Variants in CFAP44 observed in about 807,000 individuals in gnomAD.
The protein encoded by CFAP44 is cilia- and flagella-associated protein 44.
Under a neutral mutation model 216.2 loss-of-function variants are expected in CFAP44, and 134 were observed. The ratio of observed to expected loss-of-function variants is 0.62; its 90% CI spans 0.54 to 0.72. The LOEUF (loss-of-function observed/expected upper bound fraction) is 0.72, where lower values mean the gene tolerates loss of function less well. Among genes scored for constraint, CFAP44 ranks in the 30% least tolerant of loss-of-function variants. The probability of loss-of-function intolerance (pLI) is 0.00; values close to 1 mark genes in which losing one functional copy is unlikely to be tolerated. For missense variants in CFAP44, 2,035 were observed against 2,182.1 expected (o/e 0.93, Z 1.34); for synonymous variants, 700 against 727.6 (o/e 0.96, Z 0.61).
intron 2 of CFAP44, among the ~76,000 whole-genome samples, chr3:113,431,767 T>C (rs937680018): frequency 6.6e-6 from 1 of 152,202 alleles, no homozygotes; most frequent in Non-Finnish European, 1.5e-5. Flanking sequence ...TGCATGTGTA[T>C]TGATTTTCCC....
intron 30 of CFAP44, among the ~76,000 whole-genome samples, chr3:113,305,982 A>G (rs1949981881): frequency 6.6e-6 from 1 of 152,186 alleles, no homozygotes; most frequent in African/African-American, 2.4e-5. Flanking sequence ...TACAGTCATC[A>G]GAAAAGTCTG....
chr3:113,384,131 T>G (rs1327072220), intron 15 of CFAP44, among the ~76,000 whole-genome samples: 1 of 151,912 alleles, frequency 6.6e-6, no homozygotes, highest in Non-Finnish European at 1.5e-5. Context: ...TGATCTCAGC[T>G]CACTGCAAGC....
intron 32 of CFAP44, among the ~76,000 whole-genome samples, chr3:113,303,159 T>C (rs1446099566): frequency 6.6e-6 from 1 of 152,100 alleles, no homozygotes; most frequent in Non-Finnish European, 1.5e-5. Flanking sequence ...TTCAACCACT[T>C]TGGGGGCAAC....
chr3:113,354,035 A>C (rs1950471351), intron 22 of CFAP44, among the ~76,000 whole-genome samples: 1 of 151,964 alleles, frequency 6.6e-6, no homozygotes, highest in Non-Finnish European at 1.5e-5. Flanking sequence ...AATTAGCCCT[A>C]GACTAAAGGC....
At position 113,344,574 on chromosome 3, in the gene CFAP44, G is replaced by T; in HGVS notation, c.3204C>A (p.Ser1068Arg). Residue 1068 changes from serine (S) to arginine (R), a missense_variant, in exon 23 of 35, where the codon AGC (serine) becomes AGA (arginine). This residue lies in a region of CFAP44 where 1,883 missense variants were observed against 2,023.7 expected (regional missense o/e 0.93). Transcript: ENST00000393845. Reference protein sequence around the residue: ...KRASQSERKPSKLDRFEKEGP... With the variant: ...KRASQSERKPRKLDRFEKEGP... ...CCTCTTTTTCAAACCTGTCCAATTTGCTTGGTTTTCTCTCTGATTGACTAG... is the reference window on the plus strand; with the variant it reads ...CCTCTTTTTCAAACCTGTCCAATTTTCTTGGTTTTCTCTCTGATTGACTAG... 6.5e-7 allele frequency: 1 copy of T among 1,537,064 alleles called. No homozygotes were observed. Among genetic ancestry groups the T allele is most frequent in the Non-Finnish European group, 8.7e-7 (1 of 1,146,842 alleles).
At chr3:113,401,318 C>T in intron 10 of CFAP44, 31 bp from the exon 11 acceptor site, 2 of 1,551,094 alleles carry the variant, frequency 1.3e-6, no homozygotes, top group Middle Eastern at 1.7e-4. Flanking sequence ...TTTGTTTTAT[C>T]ATTTTAAACT....
intron 28 of CFAP44, among the ~76,000 whole-genome samples, chr3:113,311,869 A>G (rs535515968): frequency 5.2e-4 from 79 of 152,228 alleles, no homozygotes; most frequent in African/African-American, 1.7e-3. Context: ...GCTTGTTGGG[A>G]ACTGGAGCAA....
intron 4 of CFAP44, among the ~76,000 whole-genome samples, chr3:113,425,601 G>A (rs1934939217): frequency 6.6e-6 from 1 of 152,200 alleles, no homozygotes; most frequent in Non-Finnish European, 1.5e-5. Context: ...ACACATAAGT[G>A]TTTCAAGAAG....
intron 6 of CFAP44, among the ~76,000 whole-genome samples, chr3:113,412,298 A>T (rs917909298): frequency 6.6e-6 from 1 of 151,842 alleles, no homozygotes; most frequent in South Asian, 2.1e-4. Context: ...TTTTCATTTT[A>T]CTCTATGGAT....
chr3:113,294,918 G>A (rs1949866603), intron 33 of CFAP44, 97 bp from the exon 34 acceptor site: 1 of 1,339,014 alleles, frequency 7.5e-7, no homozygotes, highest in Non-Finnish European at 9.8e-7. Context: ...CAGGCAAATG[G>A]AGCAATGTGC....
At chr3:113,342,040 T>C (rs1950337869) in intron 23 of CFAP44, 122 bp from the exon 24 acceptor site, 1 of 1,211,184 alleles carries the variant, frequency 8.3e-7, no homozygotes. Flanking sequence ...TAAATCAAAG[T>C]ATTTATTGAG....
intron 28 of CFAP44, among the ~76,000 whole-genome samples, chr3:113,312,675 C>A (rs908223343): frequency 6.6e-6 from 1 of 152,130 alleles, no homozygotes; most frequent in Non-Finnish European, 1.5e-5. Context: ...CCAGGGTCCC[C>A]GTGCTGTGTG....
chr3:113,338,624 G>GA (rs1950303049), intron 24 of CFAP44, among the ~76,000 whole-genome samples: 1 of 152,118 alleles, frequency 6.6e-6, no homozygotes, highest in Non-Finnish European at 1.5e-5. Flanking sequence ...GGGTCTGATT[G>GA]AAAAGTAACA....
intron 15 of CFAP44, among the ~76,000 whole-genome samples, chr3:113,392,316 A>G (rs899737285): frequency 6.6e-6 from 1 of 151,392 alleles, no homozygotes; most frequent in Non-Finnish European, 1.5e-5. Context: ...CAAACATCAC[A>G]TGGTCTCCCT....
chr3:113,400,524 T>C, intron 12 of CFAP44, 21 bp downstream of exon 12: 3 of 1,530,222 alleles, frequency 2.0e-6, no homozygotes, highest in Non-Finnish European at 2.6e-6. Flanking sequence ...AGACATATTT[T>C]TATTAAGAGT....
In CFAP44 at chr3:113,345,127, GATT is replaced by G. The variant is rs1401005870; in HGVS notation, c.3066-418_3066-416del. 1.6e-4 allele frequency among the ~76,000 whole-genome samples: 23 copies of G among 147,866 alleles called. 1 individual carries two copies. The highest frequency in any genetic ancestry group is 8.8e-4 in the Admixed American group (13 of 14,768). On this transcript the variant is annotated intron_variant, in intron 22 of 34. Transcript: ENST00000393845. ...TATCTATACATATACATATATAATA[GATT>G]ATTATATAAAATGTATAATAGATAT...
intron 21 of CFAP44, chr3:113,362,830 A>C: frequency 9.3e-7 from 1 of 1,079,370 alleles, no homozygotes; most frequent in Non-Finnish European, 1.1e-6. Context: ...TGTATCTGTT[A>C]TTCATGTCTC....
intron 23 of CFAP44, among the ~76,000 whole-genome samples, chr3:113,343,639 G>A (rs1188520506): frequency 1.3e-5 from 2 of 152,154 alleles, no homozygotes; most frequent in East Asian, 1.9e-4. Flanking sequence ...TCTGGCAGGA[G>A]CCTGGGTGAG....
intron 18 of CFAP44, among the ~76,000 whole-genome samples, chr3:113,370,012 C>G (rs1189770484): frequency 3.3e-5 from 5 of 152,148 alleles, no homozygotes; most frequent in African/African-American, 1.2e-4. Flanking sequence ...CACATACACC[C>G]TCCCAAGACT....
Sources: gnomAD v4.1 joint callset for allele counts (sites outside exome capture counted in the v4.1 genomes callset) on GRCh38, gnomAD v4.1.1 for gene constraint, gnomAD v4.1.1 regional missense constraint, MANE v1.5 for transcripts, NCBI Gene and HGNC (gene_info 2026-07-23, HGNC 2026-07-21) for gene names.